The following TGM3 variants were observed in gnomAD, a reference collection of about 807,000 sequenced individuals.
TGM3 encodes protein-glutamine gamma-glutamyltransferase E.
TGM3 carries 52 observed loss-of-function variants against 73.8 expected under a neutral mutation model. That is an observed-to-expected ratio of 0.70 (90% CI 0.56 to 0.89). The LOEUF is 0.89. TGM3 is among the 40% of genes least tolerant of loss of function. The pLI, the probability that TGM3 is intolerant of heterozygous loss-of-function variation, is 0.00. For synonymous variants in TGM3, 372 were observed against 354.9 expected (o/e 1.05, Z -0.54); for missense variants, 928 against 909.9 (o/e 1.02, Z -0.26).
chr20:2,299,115 G>A (rs2084127957), intron 1 of TGM3, among the ~76,000 whole-genome samples: 2 of 152,214 alleles, frequency 1.3e-5, no homozygotes, highest in South Asian at 2.1e-4. Flanking sequence ...TGCCCCTTAC[G>A]AGAAGAGTGG....
chr20:2,309,894 G>A, intron 2 of TGM3, 64 bp downstream of exon 2: 2 of 1,590,154 alleles, frequency 1.3e-6, no homozygotes, highest in Non-Finnish European at 1.7e-6. Flanking sequence ...GTTCATTCAA[G>A]GACTGACGGG....
intron 1 of TGM3, among the ~76,000 whole-genome samples, chr20:2,307,278 G>A (rs2084180973): frequency 1.3e-5 from 2 of 152,116 alleles, no homozygotes. Flanking sequence ...TTTTACTGGA[G>A]AGGGTACCTA....
chr20:2,318,112 C>T (rs1275813870), intron 7 of TGM3, among the ~76,000 whole-genome samples: 1 of 152,042 alleles, frequency 6.6e-6, no homozygotes, highest in African/African-American at 2.4e-5. Context: ...CTCAGGCTCC[C>T]AGGTTCAAGT....
intron 8 of TGM3, among the ~76,000 whole-genome samples, chr20:2,327,267 G>A (rs2084293104): frequency 6.6e-6 from 1 of 151,868 alleles, no homozygotes; most frequent in South Asian, 2.1e-4. Flanking sequence ...TCAGGAGATC[G>A]AGACCATCCT....
intron 9 of TGM3, among the ~76,000 whole-genome samples, chr20:2,331,005 CAAAAAAAA>C (rs59627856): frequency 1.8e-4 from 12 of 65,482 alleles, no homozygotes; most frequent in African/African-American, 5.7e-4. Flanking sequence ...GACCCTGTCA[CAAAAAAAA>C]AAAAAAAAAA....
chr20:2,313,144 G>C (rs956271577), intron 5 of TGM3, 118 bp downstream of exon 5: 1 of 1,426,548 alleles, frequency 7.0e-7, no homozygotes, highest in African/African-American at 1.4e-5. Flanking sequence ...AATTACAGCT[G>C]GTGGTTAGAA....
At chr20:2,318,084 A>G (rs1345581049) in intron 7 of TGM3, among the ~76,000 whole-genome samples, 2 of 152,152 alleles carry the variant, frequency 1.3e-5, no homozygotes, top group African/African-American at 2.4e-5. Flanking sequence ...CAATGGTACA[A>G]TCTTGGCTCA....
intron 11 of TGM3, among the ~76,000 whole-genome samples, chr20:2,337,278 A>G (rs553077583): frequency 2.6e-5 from 4 of 152,284 alleles, no homozygotes; most frequent in South Asian, 4.1e-4. Context: ...CTGCTTCACA[A>G]GACATTTCTG....
intron 1 of TGM3, among the ~76,000 whole-genome samples, chr20:2,298,161 A>C (rs976195013): frequency 5.9e-5 from 9 of 151,914 alleles, no homozygotes; most frequent in African/African-American, 2.2e-4. Context: ...CTTTGAGAGG[A>C]CTCTGTGTCC....
At chr20:2,325,987 C>T (rs2084285983) in intron 8 of TGM3, 35 bp downstream of exon 8, 1 of 1,562,340 alleles carries the variant, frequency 6.4e-7, no homozygotes, top group South Asian at 1.2e-5. Context: ...AGTCGTGAGC[C>T]TCACAGTTAT....
intron 4 of TGM3, among the ~76,000 whole-genome samples, chr20:2,311,681 C>T (rs2084204154): frequency 6.6e-6 from 1 of 152,170 alleles, no homozygotes; most frequent in African/African-American, 2.4e-5. Flanking sequence ...AATAAAGCAC[C>T]TCGGGCGGGG....
intron 7 of TGM3, among the ~76,000 whole-genome samples, chr20:2,325,258 T>C (rs1244988954): frequency 6.6e-6 from 1 of 152,192 alleles, no homozygotes; most frequent in Non-Finnish European, 1.5e-5. Context: ...TACCTGGCTG[T>C]GCCCGGTGAG....
Position 2,317,457 on chromosome 20 carries a change from C to A in TGM3, c.955C>A (p.Pro319Thr), listed in dbSNP as rs778533516. ...TGTGTACTACGACCCCATGGGAAAC[C>A]CCCTGGACAAGGGTAGTGATAGCGT... ...VDVYYDPMGN[P>T]LDKGSDSVWN... The change falls in exon 7 of 13, where the codon CCC becomes ACC. Residue 319 changes from proline (P) to threonine (T), a missense_variant. By Grantham distance (38) the Pro-to-Thr change is conservative. Coordinates refer to ENST00000381458, the MANE Select transcript of TGM3 (RefSeq NM_003245.4). 6.2e-7 allele frequency: 1 copy of A among 1,614,076 alleles called. No individual in the cohort carries two copies. Among genetic ancestry groups the A allele is most frequent in the Non-Finnish European group, 8.5e-7 (1 of 1,180,050 alleles).
At chr20:2,310,086 A>G in intron 2 of TGM3, 92 bp from the exon 3 acceptor site, 1 of 1,552,918 alleles carries the variant, frequency 6.4e-7, no homozygotes. Flanking sequence ...TCATTGGCTC[A>G]TGTCCCCCAG....
intron 1 of TGM3, among the ~76,000 whole-genome samples, chr20:2,302,406 G>T (rs2084153143): frequency 6.6e-6 from 1 of 152,070 alleles, no homozygotes; most frequent in Non-Finnish European, 1.5e-5. Context: ...ATTATGTTTG[G>T]CTGTGATTAA....
At chr20:2,330,702 A>G (rs770169923) in intron 9 of TGM3, among the ~76,000 whole-genome samples, 18 of 152,286 alleles carry the variant, frequency 1.2e-4, no homozygotes, top group South Asian at 4.2e-4. Flanking sequence ...TGTATCGTAA[A>G]ATGCTTACAA....
At position 2,317,205 on chromosome 20, in the gene TGM3, A is replaced by G. The variant is rs1420271671; in HGVS notation, c.807A>G (p.Arg269=). 1 of 1,614,008 alleles carries G rather than the reference A, an allele frequency of 6.2e-7. No homozygotes were observed. Among genetic ancestry groups the G allele is most frequent in the Non-Finnish European group, 8.5e-7 (1 of 1,180,030 alleles). ...NWKKSGFSPV[R]YGQCWVFAGT... ...AAAAATCTGGCTTCAGCCCAGTCCG[A>G]TATGGCCAGTGCTGGGTCTTTGCTG... Residue 269 remains arginine (R), a synonymous_variant, in exon 6 of 13, where the codon CGA becomes CGG. Transcript: ENST00000381458.
At chr20:2,300,260 A>C (rs1166513838) in intron 1 of TGM3, among the ~76,000 whole-genome samples, 2 of 151,710 alleles carry the variant, frequency 1.3e-5, no homozygotes, top group East Asian at 3.8e-4. Flanking sequence ...AAGAAAAGAG[A>C]GGAGAAGAGA....
At position 2,309,679 on chromosome 20, in the gene TGM3, C is replaced by T. The variant is rs1352367308; in HGVS notation, c.30C>T (p.Asn10=). 6.2e-7 allele frequency: 1 copy of T among 1,613,970 alleles called. No individual in the cohort carries two copies. The highest frequency in any genetic ancestry group is 1.3e-5 in the African/African-American group (1 of 74,920). ...CAGCTCTAGGAGTCCAGAGTATCAA[C>T]TGGCAGACGGCCTTCAACCGACAAG... is the stretch of plus-strand genomic sequence containing the variant. The part of the protein sequence containing the change: MAALGVQSI[N]WQTAFNRQAH... The change falls in exon 2 of 13, where the codon AAC becomes AAT. Residue 10 remains asparagine (N), a synonymous_variant. Transcript: ENST00000381458.
Sources: gnomAD v4.1 joint callset for allele counts (sites outside exome capture counted in the v4.1 genomes callset) on GRCh38, gnomAD v4.1.1 for gene constraint, MANE v1.5 for transcripts, NCBI Gene and HGNC (gene_info 2026-07-23, HGNC 2026-07-21) for gene names.